The following PDE1A variants were observed in gnomAD, a reference collection of about 807,000 sequenced individuals.
PDE1A encodes the protein phosphodiesterase 1A, also known as dual specificity calcium/calmodulin-dependent 3',5'-cyclic nucleotide phosphodiesterase 1A.
In PDE1A, 35 loss-of-function variants were observed where a neutral mutation model predicts 61.7. That is an observed-to-expected ratio of 0.57 (90% CI 0.43 to 0.75). The LOEUF (loss-of-function observed/expected upper bound fraction) is 0.75. Ranked by LOEUF, PDE1A falls within the 30% of genes least tolerant of loss-of-function variation. The pLI is 0.00. For synonymous variants in PDE1A, 232 were observed against 213.2 expected (o/e 1.09, Z -0.77); for missense variants, 597 against 630.6 (o/e 0.95, Z 0.57).
intron 2 of PDE1A, among the ~76,000 whole-genome samples, chr2:182,501,081 A>C (rs1174135237): frequency 6.6e-6 from 1 of 152,254 alleles, no homozygotes; most frequent in African/African-American, 2.4e-5. Context: ...CAAATTTACA[A>C]AACAATTTGG....
intron 13 of PDE1A, among the ~76,000 whole-genome samples, chr2:182,160,204 C>T (rs866579300): frequency 7.9e-5 from 12 of 152,150 alleles, no homozygotes; most frequent in Middle Eastern, 3.2e-3. Flanking sequence ...ATTATGCTCC[C>T]TCCCTGGGTG....
Position 182,140,643 on chromosome 2 carries a change from TG to T in PDE1A, c.*2438del, listed in dbSNP as rs943140696. 13 of 152,302 alleles carry T rather than the reference TG, an allele frequency of 8.5e-5. 1 individual carries two copies. Among genetic ancestry groups the T allele is most frequent in the African/African-American group, 3.1e-4 (13 of 41,570 alleles). 9.4% of individuals were successfully genotyped at this position (152,302 alleles called of 1,614,324 possible). A position where few individuals can be genotyped will look rare whatever the true frequency, so the allele number is the denominator to read the frequency against. ...CATATAAACTGCAAGATATATATGT[TG>T]GGGAGCTGAGGTTAAAAATGCAAAG... On this transcript the variant is annotated 3_prime_UTR_variant, in exon 15 of 15. Transcript: ENST00000435564.
chr2:182,217,483 C>T (rs1396037698), intron 7 of PDE1A, among the ~76,000 whole-genome samples: 1 of 131,816 alleles, frequency 7.6e-6, no homozygotes, highest in East Asian at 2.3e-4. Context: ...GAACAGGCAA[C>T]CTACAAAATG....
At position 182,400,107 on chromosome 2, in the gene PDE1A, T is replaced by C. The variant is rs183506782; in HGVS notation, c.53+26471A>G. ...CCTCCCACTGGCTACTATTGAAGAT[T>C]AAGATTTTTACATATTTATTGGCTA... On this transcript the variant is annotated intron_variant, in intron 1 of 13. Coordinates refer to ENST00000351439, the Ensembl canonical transcript of PDE1A. Among the ~76,000 whole-genome samples, 6 of 152,278 alleles carry C rather than the reference T, an allele frequency of 3.9e-5. No individual in the cohort carries two copies. In the East Asian group the frequency reaches 7.7e-4, roughly 20 times the overall value.
chr2:182,429,392 A>C (rs1703803308), upstream of PDE1A, among the ~76,000 whole-genome samples: 1 of 152,126 alleles, frequency 6.6e-6, no homozygotes, highest in South Asian at 2.1e-4. Context: ...AAATACTAAA[A>C]TATATGGCAT....
chr2:182,339,214 G>C (rs1698027524), intron 1 of PDE1A, among the ~76,000 whole-genome samples: 1 of 152,090 alleles, frequency 6.6e-6, no homozygotes, highest in Non-Finnish European at 1.5e-5. Context: ...ACTTCCACTT[G>C]TTTAATAGAT....
intron 1 of PDE1A, among the ~76,000 whole-genome samples, chr2:182,387,205 G>A (rs919227209): frequency 8.5e-5 from 13 of 152,274 alleles, no homozygotes; most frequent in Admixed American, 7.2e-4. Flanking sequence ...TTGTTAAGCA[G>A]ATGCTTGAAG....
At chr2:182,670,128 C>G in the PDE1A span, among the ~76,000 whole-genome samples, 1 of 152,202 alleles carries the variant, frequency 6.6e-6, no homozygotes, top group Non-Finnish European at 1.5e-5. Context: ...TCTCTCTTCC[C>G]TGTATATAAG....
chr2:182,576,933 T>C, the PDE1A span, among the ~76,000 whole-genome samples: 3 of 152,320 alleles, frequency 2.0e-5, no homozygotes, highest in Admixed American at 2.0e-4. Context: ...TATTTGGTTG[T>C]TTGCTCTTTG....
chr2:182,358,753 C>T (rs1699340279), intron 1 of PDE1A, among the ~76,000 whole-genome samples: 1 of 152,050 alleles, frequency 6.6e-6, no homozygotes, highest in South Asian at 2.1e-4. Context: ...TCATAACAGT[C>T]CTAGAAGGTT....
At chr2:182,201,273 A>G (rs1686603888) in intron 10 of PDE1A, among the ~76,000 whole-genome samples, 166 bp downstream of exon 10, 1 of 152,198 alleles carries the variant, frequency 6.6e-6, no homozygotes, top group Admixed American at 6.5e-5. Flanking sequence ...TAGACTTAAT[A>G]CACCTTTCTG....
At chr2:182,655,373 A>T in the PDE1A span, among the ~76,000 whole-genome samples, 6 of 152,208 alleles carry the variant, frequency 3.9e-5, no homozygotes, top group Non-Finnish European at 7.3e-5. Context: ...AGGATGTTAA[A>T]TCTTGAGTCA....
chr2:182,335,366 A>G (rs1697726774), intron 1 of PDE1A, among the ~76,000 whole-genome samples: 1 of 152,220 alleles, frequency 6.6e-6, no homozygotes, highest in Non-Finnish European at 1.5e-5. Context: ...ACTTCAAACT[A>G]TACTACAAGG....
intron 13 of PDE1A, among the ~76,000 whole-genome samples, chr2:182,152,464 A>G (rs1024672317): frequency 1.4e-4 from 17 of 117,690 alleles, no homozygotes; most frequent in African/African-American, 5.7e-4. Context: ...CTTGTTGCCC[A>G]GGCTGGAGTG....
At chr2:182,268,116 C>T (rs1692761802) in intron 1 of PDE1A, among the ~76,000 whole-genome samples, 1 of 152,004 alleles carries the variant, frequency 6.6e-6, no homozygotes, top group Admixed American at 6.6e-5. Context: ...TAATTTCTGG[C>T]ATAGATAAGT....
intron 1 of PDE1A, among the ~76,000 whole-genome samples, chr2:182,393,519 C>T (rs1489209487): frequency 2.6e-5 from 4 of 152,180 alleles, no homozygotes; most frequent in African/African-American, 9.7e-5. Flanking sequence ...CAAATTTTTG[C>T]AGCCAGCTTG....
At chr2:182,210,894 A>T (rs558345268) in intron 7 of PDE1A, among the ~76,000 whole-genome samples, 1 of 90,118 alleles carries the variant, frequency 1.1e-5, no homozygotes, top group African/African-American at 4.3e-5. Context: ...AGGCTGGGTA[A>T]TTTATCAAAA....
At chr2:182,166,467 C>A (rs887220492), downstream of PDE1A, among the ~76,000 whole-genome samples, 10 of 152,114 alleles carry the variant, frequency 6.6e-5, no homozygotes, top group Admixed American at 4.6e-4. Context: ...ACCTTTGGAC[C>A]CTGAGACTTG....
At chr2:182,560,463 T>C in the PDE1A span, among the ~76,000 whole-genome samples, 1 of 151,378 alleles carries the variant, frequency 6.6e-6, no homozygotes, top group Non-Finnish European at 1.5e-5. Flanking sequence ...CAGTCTATCA[T>C]TGTTGGACAT....
Sources: allele counts gnomAD v4.1 joint callset (sites outside exome capture counted in the v4.1 genomes callset), GRCh38; gene constraint gnomAD v4.1.1; transcripts MANE v1.5; gene names NCBI Gene and HGNC (gene_info 2026-07-23, HGNC 2026-07-21).